The following SLC25A21 variants were observed in gnomAD, a reference collection of about 807,000 sequenced individuals.
SLC25A21 encodes the protein solute carrier family 25 member 21.
Under a neutral mutation model 43.8 loss-of-function variants are expected in SLC25A21, and 47 were observed. The observed-to-expected ratio is 1.07, with a 90% confidence interval of 0.85 to 1.37. The LOEUF (loss-of-function observed/expected upper bound fraction) is 1.37. SLC25A21 is among the 40% of genes most tolerant of loss of function. The pLI is 0.00. For synonymous variants in SLC25A21, 131 were observed against 121.3 expected (o/e 1.08, Z -0.52); for missense variants, 352 against 350.2 (o/e 1.00, Z -0.04).
In SLC25A21 at chr14:36,679,614, G is replaced by GAACA; in HGVS notation, c.*1040_*1043dup. Reference sequence around the variant, plus strand: ...AAATGCTAAGTGTATTTCTTTTTCAGAACATTTCCCCTTCATCATACATAT... The same window carrying GAACA: ...AAATGCTAAGTGTATTTCTTTTTCAGAACAAACATTTCCCCTTCATCATACATAT... On this transcript the variant is annotated 3_prime_UTR_variant, in exon 10 of 10. Transcript: ENST00000331299. 1.0e-6 allele frequency: 1 copy of GAACA among 985,294 alleles called. No homozygotes were observed. Among genetic ancestry groups the GAACA allele is most frequent in the African/African-American group, 1.7e-5 (1 of 57,318 alleles). The allele number at this position is 985,294 out of a possible 1,614,324, so 61.0% of individuals were successfully genotyped here.
intron 1 of SLC25A21, among the ~76,000 whole-genome samples, chr14:37,025,182 T>C (rs74045252): frequency 0.015 from 2,231 of 152,154 alleles, 59 homozygotes; most frequent in African/African-American, 0.05. Flanking sequence ...AAAATCTAAG[T>C]TTGAGTCTGA....
intron 3 of SLC25A21, among the ~76,000 whole-genome samples, chr14:36,781,846 CAT>C (rs1157952991): frequency 3.9e-5 from 6 of 152,264 alleles, no homozygotes; most frequent in African/African-American, 1.2e-4. Context: ...CTTATACTTT[CAT>C]ATGTTTTCAT....
chr14:37,079,061 A>C (rs1373857447), intron 1 of SLC25A21, among the ~76,000 whole-genome samples: 1 of 152,206 alleles, frequency 6.6e-6, no homozygotes, highest in African/African-American at 2.4e-5. Context: ...TAGTTTCTTT[A>C]AATCATCACT....
intron 2 of SLC25A21, chr14:36,828,760 C>CTCA (rs1489620957): frequency 6.6e-6 from 1 of 152,418 alleles, no homozygotes; most frequent in South Asian, 2.1e-4. Context: ...TTCCTGCTCC[C>CTCA]TCATCACACT....
chr14:36,906,654 C>A lies in SLC25A21; in HGVS notation c.71-31650G>T, dbSNP rs529872627. ...CCAAGTAGCTGGGATTACAGACATG[C>A]GCCACCACACCCAGCTAATTTTTGT... is the stretch of plus-strand genomic sequence containing the variant. On this transcript the variant is annotated intron_variant, in intron 1 of 9. Coordinates refer to ENST00000331299, the MANE Select transcript of SLC25A21 (RefSeq NM_030631.4). Among the ~76,000 whole-genome samples, 10 of 151,960 alleles carry A rather than the reference C, an allele frequency of 6.6e-5. No individual in the cohort carries two copies. The East Asian group carries it at 1.9e-3, about 30-fold the overall frequency.
chr14:36,684,789 T>C lies in SLC25A21; in HGVS notation c.740A>G (p.Tyr247Cys), dbSNP rs372358161. Residue 247 changes from tyrosine to cysteine, a missense_variant, in exon 8 of 10, where the codon TAC becomes TGC. Physicochemically the swap from Tyr to Cys is radical, Grantham distance 194 (BLOSUM62 -2). Transcript: ENST00000331299. ...TGCCATTGTTTTAAAACAGGTTCTG[T>C]ACTTGATCTCTCCAGGAACTGGTTG... ...GPQPVPGEIK[Y>C]RTCFKTMATV... The C allele has an allele frequency of 6.2e-7, 1 of 1,613,624 alleles. No homozygotes were observed. The highest frequency in any genetic ancestry group is 1.3e-5 in the African/African-American group (1 of 75,022).
chr14:37,013,705 C>T (rs1231864331), intron 1 of SLC25A21, among the ~76,000 whole-genome samples: 1 of 152,162 alleles, frequency 6.6e-6, no homozygotes, highest in African/African-American at 2.4e-5. Flanking sequence ...CATAAGTCAT[C>T]CAGTAACAAA....
chr14:37,075,458 A>G (rs888618519), intron 1 of SLC25A21, among the ~76,000 whole-genome samples: 7 of 152,374 alleles, frequency 4.6e-5, no homozygotes, highest in East Asian at 1.9e-4. Flanking sequence ...GTATTGGTAC[A>G]GTATTAAAAA....
intron 1 of SLC25A21, among the ~76,000 whole-genome samples, chr14:37,087,578 T>C (rs1221350868): frequency 2.6e-5 from 4 of 152,214 alleles, no homozygotes; most frequent in South Asian, 2.1e-4. Context: ...ATGCTATTTA[T>C]TTTTCCTTCT....
intron 1 of SLC25A21, among the ~76,000 whole-genome samples, chr14:37,075,709 C>G (rs1003769618): frequency 2.6e-5 from 4 of 151,950 alleles, no homozygotes; most frequent in African/African-American, 9.7e-5. Context: ...ACATGGTGGT[C>G]GAATATACAT....
chr14:37,124,588 A>G (rs1963265432), intron 1 of SLC25A21, among the ~76,000 whole-genome samples: 1 of 152,188 alleles, frequency 6.6e-6, no homozygotes, highest in Non-Finnish European at 1.5e-5. Context: ...TTGATTCCCA[A>G]GGCTGAAAAT....
chr14:37,103,294 A>C (rs1195968542), intron 1 of SLC25A21, among the ~76,000 whole-genome samples: 1 of 152,198 alleles, frequency 6.6e-6, no homozygotes, highest in Non-Finnish European at 1.5e-5. Flanking sequence ...AATTACACAC[A>C]GATGAGGTTT....
intron 2 of SLC25A21, among the ~76,000 whole-genome samples, chr14:36,869,370 G>T (rs1890302339): frequency 6.6e-6 from 1 of 151,724 alleles, no homozygotes; most frequent in Non-Finnish European, 1.5e-5. Flanking sequence ...GGGTGGAGCA[G>T]GAAGTAACAG....
rs1234430780 is a variant in SLC25A21 at position 36,779,324 on chromosome 14, GAAT to G, written c.203+34591_203+34593del. Among the ~76,000 whole-genome samples the G allele has an allele frequency of 3.6e-5, 5 of 140,396 alleles. No individual in the cohort carries two copies. In the South Asian group the frequency reaches 1.1e-3, roughly 31 times the overall value. The allele number at this position is 140,396 out of a possible 152,430, so 92.1% of individuals were successfully genotyped here. A position where few individuals can be genotyped will look rare whatever the true frequency, so the allele number is the denominator to read the frequency against. Reference sequence around the variant, plus strand: ...CATATTACATATTCTTATATATAAAGAATATTATCCAGCCTTTTAAAAAAAGAA... The same window carrying G: ...CATATTACATATTCTTATATATAAAGATTATCCAGCCTTTTAAAAAAAGAA... On this transcript the variant is annotated intron_variant, in intron 3 of 9. Transcript: ENST00000331299.
At chr14:36,886,544 T>C (rs1168786549) in intron 1 of SLC25A21, among the ~76,000 whole-genome samples, 1 of 152,204 alleles carries the variant, frequency 6.6e-6, no homozygotes, top group Non-Finnish European at 1.5e-5. Context: ...TTTAACTCAC[T>C]GAAGAATTTA....
chr14:36,971,144 A>T (rs775208503), intron 1 of SLC25A21, among the ~76,000 whole-genome samples: 6 of 152,210 alleles, frequency 3.9e-5, no homozygotes, highest in Non-Finnish European at 8.8e-5. Flanking sequence ...TTTGTGATAC[A>T]GGAGTTAAAA....
intron 1 of SLC25A21, among the ~76,000 whole-genome samples, chr14:37,026,986 T>G (rs1961106292): frequency 6.6e-6 from 1 of 152,098 alleles, no homozygotes; most frequent in Non-Finnish European, 1.5e-5. Flanking sequence ...TCTAAGAATT[T>G]TTTTCCCAAG....
chr14:36,971,066 A>G (rs954276269), intron 1 of SLC25A21, among the ~76,000 whole-genome samples: 1 of 152,212 alleles, frequency 6.6e-6, no homozygotes, highest in Non-Finnish European at 1.5e-5. Flanking sequence ...AAATGTTTAC[A>G]GTTCAGGTAA....
At chr14:36,815,975 G>A (rs545827187) in intron 2 of SLC25A21, among the ~76,000 whole-genome samples, 2 of 152,236 alleles carry the variant, frequency 1.3e-5, no homozygotes, top group South Asian at 2.1e-4. Context: ...TGATATGAAC[G>A]CAACGTCTAC....
Sources: allele counts gnomAD v4.1 joint callset (sites outside exome capture counted in the v4.1 genomes callset), GRCh38; gene constraint gnomAD v4.1.1; transcripts MANE v1.5; gene names NCBI Gene and HGNC (gene_info 2026-07-23, HGNC 2026-07-21).